Variants in KCNU1 observed in about 807,000 individuals in gnomAD.
KCNU1 encodes potassium channel subfamily U member 1.
In KCNU1, 93 loss-of-function variants were observed where a neutral mutation model predicts 126.8. The ratio of observed to expected loss-of-function variants is 0.73; its 90% CI spans 0.62 to 0.87. The LOEUF (loss-of-function observed/expected upper bound fraction) is 0.87. KCNU1 is among the 40% of genes least tolerant of loss of function. The probability of loss-of-function intolerance (pLI) is 0.00; values close to 1 mark genes in which losing one functional copy is unlikely to be tolerated. For synonymous variants in KCNU1, 523 were observed against 494.2 expected, an observed-to-expected ratio of 1.06 and a Z score of -0.77; for missense variants, 1,330 against 1,367.1, an observed-to-expected ratio of 0.97 and a Z score of 0.43.
chr8:36,864,464 A>T lies in KCNU1; in HGVS notation c.1952A>T (p.Gln651Leu), dbSNP rs370882527. The change falls in exon 19 of 27, where the codon CAG becomes CTG. Residue 651 changes from glutamine (Q) to leucine (L), a missense_variant. By Grantham distance (113) the Gln-to-Leu change is moderately radical (BLOSUM62 -2). Coordinates refer to ENST00000399881, the MANE Select transcript of KCNU1 (RefSeq NM_001031836.3). ...GGAATCTCCTCTCGTATATCAGGGC[A>T]GGATTCTCCGCCAAGGGTATCTGCA... ...LKGISSRISGQDSPPRVSAST... is the reference protein window; with the variant it reads ...LKGISSRISGLDSPPRVSAST... The T allele has an allele frequency of 6.2e-7, 1 of 1,613,196 alleles. No homozygotes were observed. The highest frequency in any genetic ancestry group is 8.5e-7 in the Non-Finnish European group (1 of 1,179,366).
chr8:36,827,937 C>T (rs574493307), intron 10 of KCNU1, among the ~76,000 whole-genome samples: 6 of 152,066 alleles, frequency 3.9e-5, no homozygotes, highest in African/African-American at 1.4e-4. Flanking sequence ...TGGAGTACTT[C>T]GAGTAGAGGA....
At chr8:36,816,262 A>G (rs1158297) in intron 9 of KCNU1, among the ~76,000 whole-genome samples, 41,082 of 151,812 alleles carry the variant, frequency 0.27, 6,093 homozygotes, top group African/African-American at 0.38. Flanking sequence ...CCCAGGAGGA[A>G]AATGGAGTGG....
At chr8:36,899,069 G>T (rs1807311567) in intron 19 of KCNU1, among the ~76,000 whole-genome samples, 1 of 151,998 alleles carries the variant, frequency 6.6e-6, no homozygotes, top group African/African-American at 2.4e-5. Context: ...TTTTCATCTG[G>T]TAACAATTTA....
intron 16 of KCNU1, among the ~76,000 whole-genome samples, chr8:36,844,749 G>A (rs1805081442): frequency 6.6e-6 from 1 of 152,200 alleles, no homozygotes; most frequent in Non-Finnish European, 1.5e-5. Flanking sequence ...GTGAATACAA[G>A]AGAAGGGATG....
chr8:36,859,833 A>T (rs1451630410), intron 18 of KCNU1, among the ~76,000 whole-genome samples: 3 of 152,236 alleles, frequency 2.0e-5, no homozygotes, highest in South Asian at 4.1e-4. Flanking sequence ...ATAACATTGC[A>T]TATCTCAGAA....
intron 7 of KCNU1, among the ~76,000 whole-genome samples, chr8:36,810,310 G>A (rs1803665770): frequency 6.6e-6 from 1 of 151,738 alleles, no homozygotes; most frequent in Non-Finnish European, 1.5e-5. Flanking sequence ...AGGTGCTCTT[G>A]GGTTTAACAC....
chr8:36,846,906 A>G (rs1481995551), intron 18 of KCNU1, among the ~76,000 whole-genome samples: 2 of 151,686 alleles, frequency 1.3e-5, no homozygotes, highest in African/African-American at 2.4e-5. Context: ...TATCAGGTCT[A>G]TTTTCATCCC....
chr8:36,888,369 GC>G, intron 19 of KCNU1: 1 of 355,148 alleles, frequency 2.8e-6, no homozygotes, highest in South Asian at 2.2e-5. Flanking sequence ...AAGGAGAGTA[GC>G]TTTTCCTGCC....
intron 26 of KCNU1, among the ~76,000 whole-genome samples, chr8:36,933,484 T>C (rs756457966): frequency 6.6e-6 from 1 of 152,114 alleles, no homozygotes; most frequent in African/African-American, 2.4e-5. Flanking sequence ...GGGGGTGATA[T>C]GTTCGGCTTT....
chr8:36,929,828 G>T (rs1317054330), intron 24 of KCNU1, among the ~76,000 whole-genome samples: 1 of 152,086 alleles, frequency 6.6e-6, no homozygotes, highest in Non-Finnish European at 1.5e-5. Context: ...GATACTAAAA[G>T]GTTGAGGAGG....
intron 1 of KCNU1, among the ~76,000 whole-genome samples, chr8:36,786,375 C>T (rs1477952283): frequency 6.6e-6 from 1 of 152,150 alleles, no homozygotes; most frequent in African/African-American, 2.4e-5. Flanking sequence ...TAGAAACCGA[C>T]ATGAGTCATG....
intron 18 of KCNU1, among the ~76,000 whole-genome samples, chr8:36,861,098 C>G (rs542943304): frequency 1.3e-5 from 2 of 152,176 alleles, no homozygotes; most frequent in South Asian, 4.2e-4. Context: ...AGTCAGAAGT[C>G]CCCTGGTCTT....
chr8:36,811,102 G>A (rs1803693448), intron 7 of KCNU1, among the ~76,000 whole-genome samples: 1 of 152,024 alleles, frequency 6.6e-6, no homozygotes, highest in African/African-American at 2.4e-5. Context: ...CAGGACTGGA[G>A]CAAAAATCTT....
intron 18 of KCNU1, among the ~76,000 whole-genome samples, chr8:36,850,221 A>T (rs921737797): frequency 6.6e-6 from 1 of 152,168 alleles, no homozygotes; most frequent in Non-Finnish European, 1.5e-5. Context: ...CCCTTATCAG[A>T]TGTATGATTG....
At position 36,873,378 on chromosome 8, in the gene KCNU1, AC is replaced by A. The variant is rs547805240; in HGVS notation, c.2009+8858del. Among the ~76,000 whole-genome samples, 7 of 152,244 alleles carry A rather than the reference AC, an allele frequency of 4.6e-5. 1 individual carries two copies. In the East Asian group the frequency reaches 9.7e-4, roughly 21 times the overall value. On this transcript the variant is annotated intron_variant, in intron 19 of 26. Transcript: ENST00000399881. Reference sequence around the variant, plus strand: ...AGTTTTGATAGTGAAAGTCAAAGACACAACCATAATTGTCCTCCTCAACTTA... The same window carrying A: ...AGTTTTGATAGTGAAAGTCAAAGACAAACCATAATTGTCCTCCTCAACTTA...
chr8:36,844,375 C>T (rs1274727908), intron 16 of KCNU1, among the ~76,000 whole-genome samples: 1 of 144,756 alleles, frequency 6.9e-6, no homozygotes, highest in Admixed American at 7.2e-5. Context: ...AGTGAAACTC[C>T]GTCTCAAAAA....
chr8:36,810,139 C>A (rs955586010), intron 7 of KCNU1, among the ~76,000 whole-genome samples: 6 of 151,890 alleles, frequency 4.0e-5, no homozygotes, highest in South Asian at 4.1e-4. Context: ...GTAGTTCCAG[C>A]TACTTGGAAG....
At chr8:36,836,419 C>T (rs766142625) in intron 13 of KCNU1, 54 bp downstream of exon 13, 154 of 1,234,876 alleles carry the variant, frequency 1.2e-4, no homozygotes, top group African/African-American at 3.2e-4. Context: ...TATAGCTAGA[C>T]GAACTTTTTA....
intron 10 of KCNU1, among the ~76,000 whole-genome samples, chr8:36,827,856 T>C (rs1804383072): frequency 6.6e-6 from 1 of 152,112 alleles, no homozygotes; most frequent in Admixed American, 6.6e-5. Context: ...TAAAGGTGTA[T>C]TGAGCCCATT....
Sources: gnomAD v4.1 joint callset for allele counts (sites outside exome capture counted in the v4.1 genomes callset) on GRCh38, gnomAD v4.1.1 for gene constraint, MANE v1.5 for transcripts, NCBI Gene and HGNC (gene_info 2026-07-23, HGNC 2026-07-21) for gene names.